POLDIP3: variants seen among roughly 807,000 people sequenced by gnomAD.
The protein encoded by POLDIP3 is DNA polymerase delta interacting protein 3.
A neutral mutation model predicts 45.1 loss-of-function variants in POLDIP3; 14 were observed. The ratio of observed to expected loss-of-function variants is 0.31; its 90% CI spans 0.20 to 0.49. The LOEUF (loss-of-function observed/expected upper bound fraction) is 0.49, where lower values mean the gene tolerates loss of function less well. POLDIP3 is among the 20% of genes least tolerant of loss of function. The probability of loss-of-function intolerance (pLI) is 0.99; values close to 1 mark genes in which losing one functional copy is unlikely to be tolerated. For synonymous variants in POLDIP3, 223 were observed against 205.2 expected (o/e 1.09, Z -0.74); for missense variants, 511 against 538.8 (o/e 0.95, Z 0.51).
chr22:42,603,465 A>C (rs1926530511), intron 1 of POLDIP3: 2 of 308,330 alleles, frequency 6.5e-6, no homozygotes. Context: ...TAACTTCCCA[A>C]CAATGCCAGT....
Position 42,595,505 on chromosome 22 carries a change from G to T in POLDIP3, c.891+32C>A, listed in dbSNP as rs577523406. 6.3e-6 allele frequency: 10 copies of T among 1,598,404 alleles called. No individual in the cohort carries two copies. The African/African-American group carries it at 1.3e-4, about 21-fold the overall frequency. ...GACCTTTGCCACAGAGGCAGTTTGA[G>T]ATTTAAATGTTTGGTAGGTCACAGT... On this transcript the variant is annotated intron_variant, in intron 6 of 8. Transcript: ENST00000252115.
chr22:42,589,213 A>G (rs1031806305), intron 7 of POLDIP3, among the ~76,000 whole-genome samples: 5 of 151,352 alleles, frequency 3.3e-5, no homozygotes, highest in African/African-American at 1.2e-4. Flanking sequence ...ACTGCATTCC[A>G]GCCTGGGCGA....
At chr22:42,607,359 T>A (rs538716608) in intron 1 of POLDIP3, among the ~76,000 whole-genome samples, 2 of 152,264 alleles carry the variant, frequency 1.3e-5, no homozygotes, top group African/African-American at 2.4e-5. Flanking sequence ...GTGATCTGCC[T>A]GCCTCGGCCT....
Position 42,585,035 on chromosome 22 carries a change from C to T in POLDIP3, c.*756G>A. Reference sequence around the variant, plus strand: ...GGAGGGCTCACAACACAGCCCCCTCCCAGCAAAGACACCCAGAAGGGAAAG... The same window carrying T: ...GGAGGGCTCACAACACAGCCCCCTCTCAGCAAAGACACCCAGAAGGGAAAG... On this transcript the variant is annotated 3_prime_UTR_variant, in exon 9 of 9. Transcript: ENST00000252115. The T allele has an allele frequency of 2.2e-6, 1 of 455,534 alleles. No individual in the cohort carries two copies. 28.2% of individuals were successfully genotyped at this position (455,534 alleles called of 1,614,324 possible).
intron 1 of POLDIP3, among the ~76,000 whole-genome samples, chr22:42,613,193 G>T (rs574584467): frequency 6.6e-6 from 1 of 152,182 alleles, no homozygotes; most frequent in Non-Finnish European, 1.5e-5. Context: ...ACAAAACGTG[G>T]ATGGACTTAG....
At chr22:42,586,269 CTG>C (rs150339047) in intron 8 of POLDIP3, among the ~76,000 whole-genome samples, 8,484 of 152,162 alleles carry the variant, frequency 0.056, 330 homozygotes, top group Non-Finnish European at 0.085. Context: ...GTGGCCCAGG[CTG>C]TGTTTTTCTT....
At chr22:42,596,506 A>G (rs1441460904) in intron 4 of POLDIP3, 141 bp from the exon 5 acceptor site, 9 of 845,154 alleles carry the variant, frequency 1.1e-5, no homozygotes, top group Admixed American at 2.9e-5. Context: ...TGGAGCCAAA[A>G]AGGCTGCCGG....
At chr22:42,586,407 A>G (rs1342306923) in intron 8 of POLDIP3, among the ~76,000 whole-genome samples, 3 of 151,986 alleles carry the variant, frequency 2.0e-5, no homozygotes, top group Admixed American at 1.3e-4. Context: ...ATGGCTCACT[A>G]GTCTCGATCT....
intron 6 of POLDIP3, among the ~76,000 whole-genome samples, chr22:42,592,420 T>C (rs1925725043): frequency 6.6e-6 from 1 of 152,222 alleles, no homozygotes; most frequent in Non-Finnish European, 1.5e-5. Flanking sequence ...TTAGAATACA[T>C]GTATACAAAG....
intron 6 of POLDIP3, among the ~76,000 whole-genome samples, chr22:42,593,883 C>T (rs779055423): frequency 6.6e-6 from 1 of 152,210 alleles, no homozygotes; most frequent in Non-Finnish European, 1.5e-5. Flanking sequence ...TCCATCCTCA[C>T]GTGCACCATT....
rs181593454 is a variant in POLDIP3 at position 42,594,106 on chromosome 22, C to T, written c.891+1431G>A. On this transcript the variant is annotated intron_variant, in intron 6 of 8. Transcript: ENST00000252115. ...GAAACCTCGTCTCTACTGAAAAATA[C>T]AAAAATTAGCCGGGTGTGGTGGCAC... Among the ~76,000 whole-genome samples the T allele has an allele frequency of 2.0e-4, 30 of 152,002 alleles. No individual in the cohort carries two copies. In the East Asian group the frequency reaches 5.3e-3, roughly 27 times the overall value.
chr22:42,608,815 T>C (rs924678974), intron 1 of POLDIP3, among the ~76,000 whole-genome samples: 1 of 152,122 alleles, frequency 6.6e-6, no homozygotes, highest in Admixed American at 6.6e-5. Context: ...GAGGATGTAG[T>C]AGGAGCTCCT....
intron 1 of POLDIP3, among the ~76,000 whole-genome samples, chr22:42,610,130 C>T (rs1481523076): frequency 2.0e-5 from 3 of 151,926 alleles, no homozygotes; most frequent in East Asian, 1.9e-4. Flanking sequence ...GCTGAGATCG[C>T]GCCATTGCAC....
chr22:42,613,840 C>T (rs1927282336), intron 1 of POLDIP3, among the ~76,000 whole-genome samples: 1 of 152,188 alleles, frequency 6.6e-6, no homozygotes, highest in African/African-American at 2.4e-5. Flanking sequence ...TATTTACATC[C>T]TGGCTATTTA....
At chr22:42,595,840 G>C (rs1002842836) in intron 5 of POLDIP3, among the ~76,000 whole-genome samples, 1 of 152,178 alleles carries the variant, frequency 6.6e-6, no homozygotes, top group Admixed American at 6.5e-5. Context: ...CAGGCCCTGA[G>C]CCTCTACCTG....
At chr22:42,594,438 G>C (rs923912875) in intron 6 of POLDIP3, among the ~76,000 whole-genome samples, 24 of 151,416 alleles carry the variant, frequency 1.6e-4, no homozygotes, top group African/African-American at 5.8e-4. Flanking sequence ...TAGAGCCTGG[G>C]AGGCAGAGGT....
Position 42,585,007 on chromosome 22 carries a change from C to T in POLDIP3, c.*784G>A, listed in dbSNP as rs1234710010. On this transcript the variant is annotated 3_prime_UTR_variant, in exon 9 of 9. Transcript: ENST00000252115. ...GGTTAAGTGCCAGGCGAGGTGAGAA[C>T]CGGGAGGGCTCACAACACAGCCCCC... 6.6e-6 allele frequency: 3 copies of T among 456,206 alleles called. No individual in the cohort carries two copies. The highest frequency in any genetic ancestry group is 1.3e-5 in the Non-Finnish European group (3 of 226,970). 28.3% of individuals were successfully genotyped at this position (456,206 alleles called of 1,614,324 possible).
At chr22:42,599,501 G>A (rs1027231355) in intron 4 of POLDIP3, among the ~76,000 whole-genome samples, 197 bp downstream of exon 4, 1 of 152,222 alleles carries the variant, frequency 6.6e-6, no homozygotes, top group Admixed American at 6.5e-5. Flanking sequence ...CTACTAGGGA[G>A]GCTGAGGCAG....
intron 3 of POLDIP3, among the ~76,000 whole-genome samples, chr22:42,601,068 C>G (rs1199671853): frequency 6.6e-6 from 1 of 151,852 alleles, no homozygotes; most frequent in Non-Finnish European, 1.5e-5. Context: ...GCACTCCAGC[C>G]TGGGGGACAG....
Sources: gnomAD v4.1 joint callset for allele counts (sites outside exome capture counted in the v4.1 genomes callset) on GRCh38, gnomAD v4.1.1 for gene constraint, MANE v1.5 for transcripts, NCBI Gene and HGNC (gene_info 2026-07-23, HGNC 2026-07-21) for gene names.